Variants in ZBTB4 observed in about 807,000 individuals in gnomAD.
ZBTB4 encodes zinc finger and BTB domain containing 4, also known as zinc finger and BTB domain-containing protein 4.
Under a neutral mutation model 59.8 loss-of-function variants are expected in ZBTB4, and 14 were observed. The observed-to-expected ratio is 0.23, with a 90% CI of 0.15 to 0.37. The LOEUF is 0.37. ZBTB4 is among the 10% of genes least tolerant of loss of function. ZBTB4 has a pLI of 1.00. For missense variants in ZBTB4, 1,198 were observed against 1,380.8 expected (o/e 0.87, Z 2.10); for synonymous variants, 587 against 575.2 (o/e 1.02, Z -0.29).
intron 1 of ZBTB4, among the ~76,000 whole-genome samples, chr17:7,467,791 A>T (rs921370252): frequency 6.6e-6 from 1 of 152,192 alleles, no homozygotes; most frequent in Non-Finnish European, 1.5e-5. Context: ...TAAAAATTGG[A>T]CCTAAGCTGG....
intron 3 of ZBTB4, among the ~76,000 whole-genome samples, chr17:7,465,124 C>G (rs550830246): frequency 7.5e-5 from 11 of 146,410 alleles, no homozygotes; most frequent in African/African-American, 2.8e-4. Context: ...CCACTGCACT[C>G]CAGCCTGGGC....
At chr17:7,468,140 AG>A (rs1394338986) in intron 1 of ZBTB4, among the ~76,000 whole-genome samples, 3 of 152,184 alleles carry the variant, frequency 2.0e-5, no homozygotes, top group African/African-American at 7.2e-5. Flanking sequence ...GGAGGCCAAG[AG>A]GGGTGGATCA....
At chr17:7,476,695 T>C (rs756150641) in intron 1 of ZBTB4, among the ~76,000 whole-genome samples, 1 of 152,208 alleles carries the variant, frequency 6.6e-6, no homozygotes, top group Non-Finnish European at 1.5e-5. Flanking sequence ...TTCCTTCCTC[T>C]GACTCATCAA....
chr17:7,464,733 G>A (rs1160823286), intron 3 of ZBTB4, among the ~76,000 whole-genome samples: 2 of 151,514 alleles, frequency 1.3e-5, no homozygotes, highest in Admixed American at 1.3e-4. Flanking sequence ...AGATACTCGG[G>A]AAGCTGAGGC....
intron 1 of ZBTB4, among the ~76,000 whole-genome samples, chr17:7,468,099 G>A (rs1321042586): frequency 6.6e-6 from 1 of 152,228 alleles, no homozygotes; most frequent in African/African-American, 2.4e-5. Context: ...GGCCAGGCGC[G>A]GGGGCTCACG....
upstream of ZBTB4, chr17:7,484,038 G>T (rs78138308): frequency 1.3e-5 from 2 of 152,052 alleles, no homozygotes; most frequent in Non-Finnish European, 2.9e-5. Context: ...CAGCTGGGGG[G>T]GGCTACGAAT....
At position 7,466,303 on chromosome 17, in the gene ZBTB4, C is replaced by T; in HGVS notation, c.499G>A (p.Gly167Arg). ...GAAVAEIGAL[G>R]RRLGISRLQG... is the part of the protein sequence containing the mutation. ...AGGCGGGAGATGCCCAGACGGCGCC[C>T]CAAAGCTCCAATCTCTGCTACAGCT... Residue 167 changes from glycine to arginine, a missense_variant, in exon 3 of 4, where the codon GGG becomes AGG. Transcript: ENST00000380599. This position sits in a 1 kb window ranked among gnomAD's most constrained non-coding sequence, Gnocchi z 9.1. 1 of 1,613,678 alleles carries T rather than the reference C, an allele frequency of 6.2e-7. No homozygotes were observed. The highest frequency in any genetic ancestry group is 8.5e-7 in the Non-Finnish European group (1 of 1,179,738).
Position 7,463,226 on chromosome 17 carries a change from T to C in ZBTB4, c.1756A>G (p.Thr586Ala). 1 of 1,610,748 alleles carries C rather than the reference T, an allele frequency of 6.2e-7. No individual in the cohort carries two copies. The highest frequency in any genetic ancestry group is 8.5e-7 in the Non-Finnish European group (1 of 1,179,320). ...TGAGAGGGGCCCCGGCCAGCCCCTG[T>C]GGGGGGACCCCCACCTCCACCAATC... ...GGIGGGGGPP[T>A]GAGRGPSQLQ... The change falls in exon 4 of 4, where the codon ACA (threonine) becomes GCA (alanine). Residue 586 changes from threonine to alanine, a missense_variant. Coordinates refer to ENST00000380599, the MANE Select transcript of ZBTB4 (RefSeq NM_001128833.2).
upstream of ZBTB4, chr17:7,483,085 C>T (rs2070369029): frequency 3.2e-6 from 5 of 1,583,520 alleles, no homozygotes; most frequent in Non-Finnish European, 4.3e-6. Context: ...GGAGAAGTGA[C>T]TGGAAAAGAA....
chr17:7,482,696 C>G (rs569462991), upstream of ZBTB4: 3 of 1,612,054 alleles, frequency 1.9e-6, no homozygotes, highest in East Asian at 2.2e-5. Flanking sequence ...TGTGCCAGGC[C>G]TCTTTGTGCT....
At position 7,462,319 on chromosome 17, in the gene ZBTB4, C is replaced by T; in HGVS notation, c.2663G>A (p.Gly888Asp). Residue 888 changes from glycine to aspartate, a missense_variant, in exon 4 of 4, where the codon GGT becomes GAT. By Grantham distance (94) the Gly-to-Asp change is moderately conservative. Transcript: ENST00000380599. This position sits in a 1 kb window ranked among gnomAD's most constrained non-coding sequence, Gnocchi z 7.5. Reference protein sequence around the residue: ...ALIGGGREPGGGRGKSGSEGP... With the variant: ...ALIGGGREPGDGRGKSGSEGP... ...TTCACTCCCAGATTTTCCCCTGCCA[C>T]CGCCAGGTTCCCGGCCGCCCCCAAT... 6.2e-7 allele frequency: 1 copy of T among 1,613,942 alleles called. No homozygotes were observed. Among genetic ancestry groups the T allele is most frequent in the South Asian group, 1.1e-5 (1 of 91,080 alleles).
At chr17:7,468,337 C>T (rs549801101) in intron 1 of ZBTB4, among the ~76,000 whole-genome samples, 1 of 152,216 alleles carries the variant, frequency 6.6e-6, no homozygotes, top group South Asian at 2.1e-4. Flanking sequence ...CACGCCACTG[C>T]ACTCCAGCCT....
upstream of ZBTB4, chr17:7,483,601 A>T (rs2150871611): frequency 6.2e-6 from 1 of 160,412 alleles, no homozygotes; most frequent in Middle Eastern, 3.2e-3. Context: ...TATTCCTGAA[A>T]TATTCTACAA....
rs758169504 is a variant in ZBTB4, at chr17:7,462,615, A to C, written c.2367T>G (p.Ala789=). ...ALSRHGQRHA[A]ERPGGTPTPV... is the part of the protein sequence containing the mutation. ...GGGTTGGGGTGCCCCCGGGCCGCTC[A>C]GCAGCATGCCTCTGCCCGTGGCGGC... is the stretch of plus-strand genomic sequence containing the variant. Residue 789 remains alanine (A), a synonymous_variant, in exon 4 of 4, where the codon GCT becomes GCG. Transcript: ENST00000380599. This position sits in a 1 kb window ranked among gnomAD's most constrained non-coding sequence, Gnocchi z 7.5. 45 of 1,609,730 alleles carry C rather than the reference A, an allele frequency of 2.8e-5. No homozygotes were observed. Among genetic ancestry groups the C allele is most frequent in the Non-Finnish European group, 3.3e-5 (39 of 1,178,076 alleles).
At chr17:7,464,613 G>T (rs1245112803) in intron 3 of ZBTB4, among the ~76,000 whole-genome samples, 3 of 151,734 alleles carry the variant, frequency 2.0e-5, no homozygotes, top group African/African-American at 4.8e-5. Context: ...TGAGGTTGGC[G>T]AATCACCTGA....
chr17:7,477,587 A>G (rs879812216), intron 1 of ZBTB4, among the ~76,000 whole-genome samples: 1 of 152,162 alleles, frequency 6.6e-6, no homozygotes, highest in Non-Finnish European at 1.5e-5. Context: ...ACACACCCCT[A>G]GAAGGGCCCA....
rs375990313 is a variant in ZBTB4, at chr17:7,465,907, C to A, written c.895G>T (p.Val299Leu). The A allele has an allele frequency of 1.2e-5, 19 of 1,612,162 alleles. No homozygotes were observed. Among genetic ancestry groups the A allele is most frequent in the Non-Finnish European group, 1.5e-5 (18 of 1,178,770 alleles). The change falls in exon 3 of 4, where the codon GTG becomes TTG. Residue 299 changes from valine to leucine, a missense_variant. Val to Leu is a conservative substitution (Grantham distance 32). Around this residue, in one of 9 missense-constraint regions of ZBTB4, gnomAD observed 204 missense variants for 205.5 expected, o/e 0.99. Transcript: ENST00000380599. ...ACGTGGCCGCCCACCACCTTCACCA[C>A]GTGCTCGGGGCCCCCTCGGAAGCCC... Reference protein sequence around the residue: ...PVGFRGGPEHVVKVVGGHVLY... With the variant: ...PVGFRGGPEHLVKVVGGHVLY...
chr17:7,482,456 G>A (rs780857768), upstream of ZBTB4: 8 of 1,614,016 alleles, frequency 5.0e-6, no homozygotes, highest in Admixed American at 1.7e-5. Flanking sequence ...CAGTGGCTAC[G>A]ACTGGTGTGG....
intron 1 of ZBTB4, among the ~76,000 whole-genome samples, chr17:7,470,568 C>T (rs982545002): frequency 6.6e-6 from 1 of 152,042 alleles, no homozygotes; most frequent in Non-Finnish European, 1.5e-5. Flanking sequence ...TGGAGGTGGG[C>T]ACCTATAATC....
Sources: allele counts gnomAD v4.1 joint callset (sites outside exome capture counted in the v4.1 genomes callset), GRCh38; gene constraint gnomAD v4.1.1; regional missense constraint gnomAD v4.1.1; non-coding constraint Gnocchi (gnomAD v3.1); transcripts MANE v1.5; gene names NCBI Gene and HGNC (gene_info 2026-07-23, HGNC 2026-07-21).